LIPE: variants seen among roughly 807,000 people sequenced by gnomAD.
LIPE encodes the protein hormone-sensitive lipase.
In LIPE, 66 loss-of-function variants were observed where a neutral mutation model predicts 88.5. The observed-to-expected ratio is 0.75, with a 90% CI of 0.61 to 0.91. The LOEUF is 0.91. Among genes scored for constraint, LIPE ranks in the 40% least tolerant of loss-of-function variants. The probability of loss-of-function intolerance (pLI) is 0.00; values close to 1 mark genes in which losing one functional copy is unlikely to be tolerated. For missense variants in LIPE, 1,346 were observed against 1,434.7 expected (o/e 0.94, Z 1.00); for synonymous variants, 570 against 617.5 (o/e 0.92, Z 1.14).
intron 1 of LIPE, chr19:42,423,625 C>T (rs958230319): frequency 2.5e-6 from 3 of 1,178,906 alleles, no homozygotes; most frequent in African/African-American, 1.6e-5. Context: ...ACTGTCGGGC[C>T]CCCCTATTAC....
rs201362349 is a variant in LIPE at position 42,402,648 on chromosome 19, G to A, written c.2926C>T (p.Pro976Ser). ...GGCAGGCTCTTGAGCATGCTGTCGG[G>A]TGCCAGCAGCGGCGACATGAAGGGG... ...KNPFMSPLLA[P>S]DSMLKSLPPV... is the part of the protein sequence containing the mutation. The change falls in exon 9 of 10, where the codon CCC (proline) becomes TCC (serine). Residue 976 changes from proline to serine, a missense_variant. Pro to Ser is a moderately conservative substitution (Grantham distance 74). Coordinates refer to ENST00000244289, the MANE Select transcript of LIPE (RefSeq NM_005357.4). The A allele has an allele frequency of 4.7e-6, 7 of 1,499,116 alleles. No individual in the cohort carries two copies. Among genetic ancestry groups the A allele is most frequent in the Admixed American group, 4.6e-5 (2 of 43,216 alleles). 92.9% of individuals were successfully genotyped at this position (1,499,116 alleles called of 1,614,324 possible).
chr19:42,405,837 G>C (rs925002415), intron 7 of LIPE: 2 of 543,894 alleles, frequency 3.7e-6, no homozygotes, highest in Non-Finnish European at 6.5e-6. Context: ...GTGCACGCCT[G>C]TAGTTCCAGC....
At chr19:42,425,801 CTTTG>C (rs1350701012) in intron 1 of LIPE, among the ~76,000 whole-genome samples, 1 of 151,986 alleles carries the variant, frequency 6.6e-6, no homozygotes, top group Admixed American at 6.6e-5. Context: ...CAGAGTGAGA[CTTTG>C]TTTTTTTCTT....
intron 1 of LIPE, chr19:42,424,419 A>G (rs759318575): frequency 2.2e-6 from 1 of 456,200 alleles, no homozygotes; most frequent in African/African-American, 2.0e-5. Context: ...CTGAAAGGCA[A>G]CCTCGCCCGC....
intron 8 of LIPE, 149 bp downstream of exon 8, chr19:42,405,236 C>A: frequency 1.4e-6 from 1 of 722,594 alleles, no homozygotes; most frequent in Non-Finnish European, 2.2e-6. Context: ...AACCCCTGAC[C>A]TCAAGTGATC....
At chr19:42,404,576 C>G (rs2040108167) in intron 8 of LIPE, among the ~76,000 whole-genome samples, 1 of 152,238 alleles carries the variant, frequency 6.6e-6, no homozygotes, top group Admixed American at 6.5e-5. Context: ...GTTGGCCAAG[C>G]TGGTCTTGAA....
At chr19:42,421,167 A>G (rs2040591239) in intron 1 of LIPE, among the ~76,000 whole-genome samples, 1 of 152,106 alleles carries the variant, frequency 6.6e-6, no homozygotes, top group Non-Finnish European at 1.5e-5. Context: ...CCAAAGTGCC[A>G]GGATTACAGG....
Position 42,401,866 on chromosome 19 carries a change from C to A in LIPE, c.3177G>T (p.Pro1059=), listed in dbSNP as rs1464369372. The stretch of plus-strand genomic sequence containing the variant: ...CCCCCGCAGCCCCCGTCTCCCCGCT[C>A]GGCCCGGCTCCGGCGGGAGGAGTGA... ...LVLTPPAGAG[P]SGETGAAGVD... Residue 1059 remains proline (P), a synonymous_variant, in exon 10 of 10, where the codon CCG becomes CCT. Transcript: ENST00000244289. 6.6e-6 allele frequency: 10 copies of A among 1,526,142 alleles called. No individual in the cohort carries two copies. Among genetic ancestry groups the A allele is most frequent in the South Asian group, 1.2e-5 (1 of 82,148 alleles). 94.5% of individuals were successfully genotyped at this position (1,526,142 alleles called of 1,614,324 possible).
chr19:42,404,131 C>G lies in LIPE; in HGVS notation c.2543-1100G>C, dbSNP rs112545757. ...CCAGGCTGGAGTGCAGTGGTGCGAT[C>G]TCGGCTCACTGTAACCTCTGCCTCC... On this transcript the variant is annotated intron_variant, in intron 8 of 9. Transcript: ENST00000244289. Among the ~76,000 whole-genome samples the G allele has an allele frequency of 7.8e-3, 1,162 of 148,986 alleles. 14 individuals carry two copies. The highest frequency in any genetic ancestry group is 0.027 in the African/African-American group (1,095 of 40,296).
chr19:42,408,349 C>T lies in LIPE; in HGVS notation c.1420-27G>A. 1.3e-6 allele frequency: 2 copies of T among 1,591,588 alleles called. No individual in the cohort carries two copies. On this transcript the variant is annotated intron_variant, in intron 2 of 9. Transcript: ENST00000244289. The surrounding 1 kb of genome is among the most constrained non-coding windows in gnomAD (Gnocchi z 4.3). ...TGTGGAGAGACGCGGCTGCGTCACC[C>T]ACCGCTCAAGAGAGGGATGGGGACA...
intron 1 of LIPE, among the ~76,000 whole-genome samples, chr19:42,421,961 T>G (rs976000585): frequency 6.6e-6 from 1 of 152,240 alleles, no homozygotes; most frequent in Non-Finnish European, 1.5e-5. Flanking sequence ...CCTGCCCAAC[T>G]GGATTCTGAC....
At position 42,408,341 on chromosome 19, in the gene LIPE, G is replaced by A; in HGVS notation, c.1420-19C>T. On this transcript the variant is annotated intron_variant, in intron 2 of 9. Transcript: ENST00000244289. This position sits in a 1 kb window ranked among gnomAD's most constrained non-coding sequence, Gnocchi z 4.3. ...GCGTGAACTGTGGAGAGACGCGGCT[G>A]CGTCACCCACCGCTCAAGAGAGGGA... 6.2e-7 allele frequency: 1 copy of A among 1,604,064 alleles called. No homozygotes were observed. Among genetic ancestry groups the A allele is most frequent in the Non-Finnish European group, 8.5e-7 (1 of 1,171,120 alleles).
intron 1 of LIPE, among the ~76,000 whole-genome samples, chr19:42,421,695 G>A (rs1490451104): frequency 2.0e-5 from 3 of 152,218 alleles, no homozygotes; most frequent in East Asian, 3.9e-4. Flanking sequence ...AAGCCCAGGC[G>A]GCCTTGGTCC....
At position 42,407,067 on chromosome 19, in the gene LIPE, G is replaced by T; in HGVS notation, c.2137+107C>A. 2 of 988,848 alleles carry T rather than the reference G, an allele frequency of 2.0e-6. No homozygotes were observed. Among genetic ancestry groups the T allele is most frequent in the Non-Finnish European group, 2.9e-6 (2 of 692,098 alleles). The allele number at this position is 988,848 out of a possible 1,614,324, so 61.3% of individuals were successfully genotyped here. ...CCTGGGTGAGCAGGAGCTGGGAGGTGTGGGGGGAGAGAAAGGTAGAGGGTG... is the reference window on the plus strand; with the variant it reads ...CCTGGGTGAGCAGGAGCTGGGAGGTTTGGGGGGAGAGAAAGGTAGAGGGTG... On this transcript the variant is annotated intron_variant, in intron 6 of 9. Coordinates refer to ENST00000244289, the MANE Select transcript of LIPE (RefSeq NM_005357.4). This position sits in a 1 kb window ranked among gnomAD's most constrained non-coding sequence, Gnocchi z 5.8.
Position 42,414,658 on chromosome 19 carries a change from G to A in LIPE, c.884-3816C>T, listed in dbSNP as rs1395372281. Among the ~76,000 whole-genome samples, 2 of 152,256 alleles carry A rather than the reference G, an allele frequency of 1.3e-5. No individual in the cohort carries two copies. Among genetic ancestry groups the A allele is most frequent in the Non-Finnish European group, 2.9e-5 (2 of 68,044 alleles). On this transcript the variant is annotated intron_variant, in intron 1 of 9. Coordinates refer to ENST00000244289, the MANE Select transcript of LIPE (RefSeq NM_005357.4). The surrounding 1 kb of genome is among the most constrained non-coding windows in gnomAD (Gnocchi z 4.6). The stretch of plus-strand genomic sequence containing the variant: ...TTTGTGGCAACCCTGCGTCAAACCA[G>A]TCTGTTGGCACCATTTTTCTGACAG...
At chr19:42,423,916 C>G in intron 1 of LIPE, 1 of 1,157,210 alleles carries the variant, frequency 8.6e-7, no homozygotes, top group Non-Finnish European at 1.1e-6. Context: ...TCTCGCCATC[C>G]CACTCACCTT....
At position 42,408,273 on chromosome 19, in the gene LIPE, A is replaced by C; in HGVS notation, c.1469T>G (p.Val490Gly). 6.2e-6 allele frequency: 10 copies of C among 1,614,056 alleles called. No homozygotes were observed. The highest frequency in any genetic ancestry group is 6.8e-6 in the Non-Finnish European group (8 of 1,179,992). ...PFLQTISIGL[V>G]SFGEHYKRNE... Reference sequence around the variant, plus strand: ...GCGTTTGTAGTGCTCCCCGAAGGACACCAGCCCAATGGAGATGGTCTGCAG... The same window carrying C: ...GCGTTTGTAGTGCTCCCCGAAGGACCCCAGCCCAATGGAGATGGTCTGCAG... Residue 490 changes from valine to glycine, a missense_variant, in exon 3 of 10, where the codon GTG becomes GGG. Val to Gly is a moderately radical substitution (Grantham distance 109). Coordinates refer to ENST00000244289, the MANE Select transcript of LIPE (RefSeq NM_005357.4). This position sits in a 1 kb window ranked among gnomAD's most constrained non-coding sequence, Gnocchi z 4.3.
intron 1 of LIPE, among the ~76,000 whole-genome samples, chr19:42,421,013 C>G (rs2040587878): frequency 6.6e-6 from 1 of 152,148 alleles, no homozygotes; most frequent in African/African-American, 2.4e-5. Context: ...ATCCTCCCAC[C>G]TCAGCCTCCC....
In LIPE at chr19:42,406,292, A is replaced by G; in HGVS notation, c.2234T>C (p.Val745Ala). The change falls in exon 7 of 10, where the codon GTG becomes GCG. Residue 745 changes from valine to alanine, a missense_variant. Coordinates refer to ENST00000244289, the MANE Select transcript of LIPE (RefSeq NM_005357.4). This position sits in a 1 kb window ranked among gnomAD's most constrained non-coding sequence, Gnocchi z 5.7. ...ALRAAAYGVRVPDGIMAAYPA... is the reference protein window; with the variant it reads ...ALRAAAYGVRAPDGIMAAYPA... ...GTAGGCTGCCATGATGCCATCTGGCACCCGCACCCCGTAGGCTGCTGCCCG... is the reference window on the plus strand; with the variant it reads ...GTAGGCTGCCATGATGCCATCTGGCGCCCGCACCCCGTAGGCTGCTGCCCG... 1 of 1,613,954 alleles carries G rather than the reference A, an allele frequency of 6.2e-7. No homozygotes were observed. The highest frequency in any genetic ancestry group is 8.5e-7 in the Non-Finnish European group (1 of 1,179,980).
Sources: allele counts gnomAD v4.1 joint callset (sites outside exome capture counted in the v4.1 genomes callset), GRCh38; gene constraint gnomAD v4.1.1; non-coding constraint Gnocchi (gnomAD v3.1); transcripts MANE v1.5; gene names NCBI Gene and HGNC (gene_info 2026-07-23, HGNC 2026-07-21).